MECOM: variants seen among roughly 807,000 people sequenced by gnomAD.
The protein encoded by MECOM is histone-lysine N-methyltransferase MECOM.
In MECOM, 13 loss-of-function variants were observed where a neutral mutation model predicts 116.3. The ratio of observed to expected loss-of-function variants is 0.11; its 90% CI spans 0.07 to 0.18. MECOM has a LOEUF of 0.18. Among genes scored for constraint, MECOM ranks in the 10% least tolerant of loss-of-function variants. The pLI, the probability that MECOM is intolerant of heterozygous loss-of-function variation, is 1.00. For missense variants in MECOM, 1,299 were observed against 1,509.0 expected, an observed-to-expected ratio of 0.86 and a Z score of 2.31; for synonymous variants, 528 against 535.2, an observed-to-expected ratio of 0.99 and a Z score of 0.19.
At chr3:169,186,343 GGGAAGGAA>G (rs1331901039) in intron 2 of MECOM, among the ~76,000 whole-genome samples, 880 of 80,050 alleles carry the variant, frequency 0.011, 20 homozygotes, top group East Asian at 0.02. Flanking sequence ...GAGGGAGGGA[GGGAAGGAA>G]GGAAGGAAGG....
chr3:169,104,334 A>G (rs1400464384), intron 10 of MECOM, among the ~76,000 whole-genome samples: 1 of 152,214 alleles, frequency 6.6e-6, no homozygotes, highest in Non-Finnish European at 1.5e-5. Context: ...ATCAATCCAG[A>G]AATATTTTAT....
intron 2 of MECOM, among the ~76,000 whole-genome samples, chr3:169,158,638 G>A (rs1742360584): frequency 6.6e-6 from 1 of 152,260 alleles, no homozygotes; most frequent in East Asian, 1.9e-4. Flanking sequence ...CTCGGCCGAA[G>A]CCACGGTGGT....
chr3:169,133,871 C>T (rs776413520), intron 3 of MECOM: 2 of 1,246,488 alleles, frequency 1.6e-6, no homozygotes, highest in Non-Finnish European at 2.1e-6. Context: ...GTTCTATTTC[C>T]CCTTAGAAAA....
At chr3:169,263,424 T>A (rs975177806) in intron 2 of MECOM, among the ~76,000 whole-genome samples, 1 of 151,420 alleles carries the variant, frequency 6.6e-6, no homozygotes, top group African/African-American at 2.4e-5. Context: ...CACCGCGCCC[T>A]GCCAAGATGA....
At position 169,218,658 on chromosome 3, in the gene MECOM, G is replaced by A. The variant is rs1751722449; in HGVS notation, c.376-74826C>T. Among the ~76,000 whole-genome samples, 3 of 152,106 alleles carry A rather than the reference G, an allele frequency of 2.0e-5. No individual in the cohort carries two copies. In the South Asian group the frequency reaches 6.2e-4, roughly 32 times the overall value. ...AATTTTGAATACTGTATCCAATTAGGAAAGTATCCTTTTTGTGTTCACATA... is the reference window on the plus strand; with the variant it reads ...AATTTTGAATACTGTATCCAATTAGAAAAGTATCCTTTTTGTGTTCACATA... On this transcript the variant is annotated intron_variant, in intron 2 of 16. Transcript: ENST00000651503.
chr3:169,133,098 G>A (rs1577093841), intron 3 of MECOM, among the ~76,000 whole-genome samples: 2 of 141,224 alleles, frequency 1.4e-5, no homozygotes, highest in African/African-American at 5.9e-5. Context: ...CTAAATATCT[G>A]AGCAAAACAC....
chr3:169,128,189 T>A, intron 4 of MECOM, 129 bp from the exon 5 acceptor site: 1 of 780,544 alleles, frequency 1.3e-6, no homozygotes, highest in Non-Finnish European at 2.1e-6. Context: ...TCAATTTTAA[T>A]CTGGATTAGA....
chr3:169,192,518 G>C (rs1445594447), intron 2 of MECOM, among the ~76,000 whole-genome samples: 1 of 151,994 alleles, frequency 6.6e-6, no homozygotes. Flanking sequence ...TAGCCTAGTA[G>C]AAAGTATTAC....
intron 2 of MECOM, among the ~76,000 whole-genome samples, chr3:169,188,298 A>C (rs1747036188): frequency 6.6e-6 from 1 of 152,090 alleles, no homozygotes; most frequent in Non-Finnish European, 1.5e-5. Flanking sequence ...CAGGAGATTA[A>C]AATAAAAGAA....
At chr3:169,383,991 A>G (rs986455515) in intron 1 of MECOM, among the ~76,000 whole-genome samples, 1 of 152,136 alleles carries the variant, frequency 6.6e-6, no homozygotes, top group African/African-American at 2.4e-5. Context: ...TAACACTAGT[A>G]TTCTCTTCCT....
At chr3:169,146,626 G>T (rs1740035218) in intron 2 of MECOM, 1 of 1,367,750 alleles carries the variant, frequency 7.3e-7, no homozygotes, top group East Asian at 3.9e-5. Context: ...GGCGGGGGGC[G>T]CCCGTAGAAA....
intron 1 of MECOM, among the ~76,000 whole-genome samples, chr3:169,565,107 T>A (rs1297182619): frequency 6.6e-6 from 1 of 152,070 alleles, no homozygotes; most frequent in Non-Finnish European, 1.5e-5. Context: ...AAAGGAAAGC[T>A]CAGTGTGGCT....
intron 2 of MECOM, among the ~76,000 whole-genome samples, chr3:169,359,879 T>C (rs1727903168): frequency 6.6e-6 from 1 of 151,770 alleles, no homozygotes; most frequent in African/African-American, 2.4e-5. Context: ...ATAGCAGAGT[T>C]TGAGTAAGTA....
chr3:169,274,232 A>G lies in MECOM; in HGVS notation c.375+106955T>C, dbSNP rs183633251. Among the ~76,000 whole-genome samples the G allele has an allele frequency of 6.6e-3, 1,001 of 152,238 alleles. 15 individuals carry two copies. The highest frequency in any genetic ancestry group is 0.023 in the African/African-American group (945 of 41,554). ...TGGCCTCCAAAGCTTCCTAAAAATG[A>G]GTGAGGAGTACTGCCAATTTAAAAG... On this transcript the variant is annotated intron_variant, in intron 2 of 16. Transcript: ENST00000651503.
chr3:169,171,944 C>A (rs1000654221), intron 2 of MECOM, among the ~76,000 whole-genome samples: 19 of 152,118 alleles, frequency 1.2e-4, no homozygotes, highest in Admixed American at 1.2e-3. Flanking sequence ...CCAGAATGAG[C>A]AATAGGAAAT....
chr3:169,251,483 A>G (rs1352798231), intron 2 of MECOM, among the ~76,000 whole-genome samples: 1 of 152,172 alleles, frequency 6.6e-6, no homozygotes, highest in East Asian at 1.9e-4. Flanking sequence ...ACTCCCAGCT[A>G]GACATGCCAA....
At chr3:169,244,478 AT>A (rs1003287249) in intron 2 of MECOM, among the ~76,000 whole-genome samples, 5 of 151,898 alleles carry the variant, frequency 3.3e-5, no homozygotes, top group Non-Finnish European at 7.4e-5. Context: ...AGGCGATCTA[AT>A]TTTTTTCCCC....
At chr3:169,631,470 T>G (rs1168741927) in intron 1 of MECOM, among the ~76,000 whole-genome samples, 1 of 152,150 alleles carries the variant, frequency 6.6e-6, no homozygotes, top group Non-Finnish European at 1.5e-5. Context: ...TTTACTTTAT[T>G]ATTATTATAC....
chr3:169,112,979 T>C (rs1727923199), intron 8 of MECOM, 105 bp from the exon 9 acceptor site: 1 of 799,170 alleles, frequency 1.3e-6, no homozygotes, highest in Non-Finnish European at 2.0e-6. Flanking sequence ...ATGGTAGGTT[T>C]CTGGGAAGCG....
Sources: gnomAD v4.1 joint callset for allele counts (sites outside exome capture counted in the v4.1 genomes callset) on GRCh38, gnomAD v4.1.1 for gene constraint, MANE v1.5 for transcripts, NCBI Gene and HGNC (gene_info 2026-07-23, HGNC 2026-07-21) for gene names.